The following IMPA1 variants were observed in gnomAD, a reference collection of about 807,000 sequenced individuals.
The protein encoded by IMPA1 is D-galactose 1-phosphate phosphatase.
IMPA1 carries 21 observed loss-of-function variants against 34.9 expected under a neutral mutation model. That is an observed-to-expected ratio of 0.60 (90% confidence interval 0.43 to 0.87). The LOEUF (loss-of-function observed/expected upper bound fraction) is 0.87, where lower values mean the gene tolerates loss of function less well. IMPA1 is among the 40% of genes least tolerant of loss of function. IMPA1 has a pLI of 0.00. For synonymous variants in IMPA1, 95 were observed against 104.4 expected (o/e 0.91, Z 0.55); for missense variants, 299 against 336.4 (o/e 0.89, Z 0.87).
intron 7 of IMPA1, among the ~76,000 whole-genome samples, chr8:81,668,731 T>C (rs1420086574): frequency 6.6e-6 from 1 of 151,930 alleles, no homozygotes; most frequent in Non-Finnish European, 1.5e-5. Flanking sequence ...ATTTGCTAAA[T>C]AGATTAGCAC....
chr8:81,669,996 C>T (rs1806942353), intron 7 of IMPA1, among the ~76,000 whole-genome samples: 1 of 152,194 alleles, frequency 6.6e-6, no homozygotes, highest in South Asian at 2.1e-4. Flanking sequence ...TTCTGTGCTG[C>T]CTCAGGACTC....
intron 8 of IMPA1, among the ~76,000 whole-genome samples, chr8:81,659,863 C>T (rs750084652): frequency 5.9e-5 from 9 of 152,136 alleles, no homozygotes; most frequent in East Asian, 1.9e-4. Flanking sequence ...ATTCACCCTT[C>T]GGTTTAAAAT....
rs771080435 is a variant in IMPA1 at position 81,680,619 on chromosome 8, A to ATTT, written c.197+30_197+31insAAA. ...AACCCCAAGAAATGGTGAGATAATA[A>ATTT]ACATTTCTTGTACACAGTAAATAAA... is the stretch of plus-strand genomic sequence containing the variant. On this transcript the variant is annotated intron_variant, in intron 3 of 8. Coordinates refer to ENST00000256108, the MANE Select transcript of IMPA1 (RefSeq NM_005536.4). 3.2e-3 allele frequency: 4,876 copies of ATTT among 1,531,198 alleles called. 19 individuals carry two copies. The highest frequency in any genetic ancestry group is 3.5e-3 in the Non-Finnish European group (3,937 of 1,111,692). The allele number at this position is 1,531,198 out of a possible 1,614,324, so 94.9% of individuals were successfully genotyped here.
At chr8:81,669,242 T>C (rs1806921103) in intron 7 of IMPA1, among the ~76,000 whole-genome samples, 1 of 151,934 alleles carries the variant, frequency 6.6e-6, no homozygotes, top group Non-Finnish European at 1.5e-5. Context: ...AATGCCTAAC[T>C]AGTGGAGCCA....
rs994195277 is a variant in IMPA1, at chr8:81,686,021, G to A, written c.-25+231C>T. 1.9e-5 allele frequency: 25 copies of A among 1,321,838 alleles called. No homozygotes were observed. In the East Asian group the frequency reaches 3.9e-4, roughly 20 times the overall value. 81.9% of individuals were successfully genotyped at this position (1,321,838 alleles called of 1,614,324 possible). On this transcript the variant is annotated intron_variant, in intron 1 of 8. Coordinates refer to ENST00000256108, the MANE Select transcript of IMPA1 (RefSeq NM_005536.4). ...TTATTCCACAGAAGCCGCCACAGAGGTTAAGTGAGGTCGCGTGAGCGAACC... is the reference window on the plus strand; with the variant it reads ...TTATTCCACAGAAGCCGCCACAGAGATTAAGTGAGGTCGCGTGAGCGAACC...
intron 1 of IMPA1, among the ~76,000 whole-genome samples, chr8:81,684,324 ATATT>A (rs1585906362): frequency 6.8e-6 from 1 of 146,170 alleles, no homozygotes; most frequent in African/African-American, 2.5e-5. Flanking sequence ...ATACATAAGT[ATATT>A]TAGATACTAT....
intron 7 of IMPA1, among the ~76,000 whole-genome samples, chr8:81,668,325 C>T (rs541879776): frequency 4.3e-4 from 65 of 152,268 alleles, no homozygotes; most frequent in African/African-American, 1.5e-3. Flanking sequence ...TGGCTCACAC[C>T]TATAATGCCA....
chr8:81,659,574 G>C, intron 8 of IMPA1, 108 bp from the exon 9 acceptor site: 1 of 650,652 alleles, frequency 1.5e-6, no homozygotes, highest in Non-Finnish European at 2.7e-6. Flanking sequence ...AATACTTTCA[G>C]TTTTCTTAAA....
chr8:81,685,862 C>T, intron 1 of IMPA1: 1 of 1,549,618 alleles, frequency 6.5e-7, no homozygotes, highest in Non-Finnish European at 8.7e-7. Context: ...TCCTTTTTGC[C>T]ACCTGTCCCA....
At position 81,676,389 on chromosome 8, in the gene IMPA1, CTCA is replaced by C. The variant is rs533485046; in HGVS notation, c.303-113_303-111del. The stretch of plus-strand genomic sequence containing the variant: ...TCTTAAAATTTTTCCTATAAAAAGT[CTCA>C]TCTCCACTCCCCACAAAATCTAAGA... On this transcript the variant is annotated intron_variant, in intron 4 of 8. Transcript: ENST00000256108. 2.1e-3 allele frequency: 1,043 copies of C among 491,324 alleles called. 5 individuals are homozygous for C. Among genetic ancestry groups the C allele is most frequent in the Non-Finnish European group, 1.1e-3 (300 of 275,654 alleles). The allele number at this position is 491,324 out of a possible 1,614,324, so 30.4% of individuals were successfully genotyped here. A position where few individuals can be genotyped will look rare whatever the true frequency, so the allele number is the denominator to read the frequency against.
intron 7 of IMPA1, among the ~76,000 whole-genome samples, chr8:81,663,058 A>T (rs1385340412): frequency 6.6e-6 from 1 of 152,244 alleles, no homozygotes; most frequent in African/African-American, 2.4e-5. Flanking sequence ...AATGCAAAAG[A>T]TCATAAAAGC....
At chr8:81,677,780 T>C (rs1031445047) in intron 4 of IMPA1, among the ~76,000 whole-genome samples, 8 of 152,250 alleles carry the variant, frequency 5.3e-5, no homozygotes, top group Non-Finnish European at 8.8e-5. Context: ...TATAACATTC[T>C]ATCACATATA....
chr8:81,664,470 G>C (rs1806766001), intron 7 of IMPA1, among the ~76,000 whole-genome samples: 1 of 152,230 alleles, frequency 6.6e-6, no homozygotes, highest in Non-Finnish European at 1.5e-5. Flanking sequence ...AGGAGGAGCA[G>C]AGGACCCACA....
intron 7 of IMPA1, among the ~76,000 whole-genome samples, chr8:81,668,488 G>A (rs184979106): frequency 2.0e-5 from 3 of 152,232 alleles, no homozygotes; most frequent in Non-Finnish European, 2.9e-5. Flanking sequence ...AGCTACTTGG[G>A]AGGCTGAAGT....
chr8:81,676,186 A>C, intron 5 of IMPA1, 48 bp downstream of exon 5: 1 of 828,130 alleles, frequency 1.2e-6, no homozygotes, highest in South Asian at 2.3e-5. Context: ...TTTTTCTCAG[A>C]AAATGAGAGC....
intron 7 of IMPA1, among the ~76,000 whole-genome samples, chr8:81,668,003 T>C (rs1806882904): frequency 6.6e-6 from 1 of 151,982 alleles, no homozygotes; most frequent in South Asian, 2.1e-4. Flanking sequence ...TTTTGTATTT[T>C]TAGTAGAGAC....
At chr8:81,670,865 A>G in intron 7 of IMPA1, 74 bp downstream of exon 7, 1 of 683,506 alleles carries the variant, frequency 1.5e-6, no homozygotes, top group East Asian at 3.1e-5. Flanking sequence ...CTAAAATGGT[A>G]CAGGAAAAAA....
Position 81,675,906 on chromosome 8 carries a change from C to T in IMPA1, c.348+328G>A, listed in dbSNP as rs204782. ...ACTAAAGCATTCCCAGCTCAAATCT[C>T]ACCTCTTCCACGAAGCATTTAAGAT... is the stretch of plus-strand genomic sequence containing the variant. On this transcript the variant is annotated intron_variant, in intron 5 of 8. Transcript: ENST00000256108. Among the ~76,000 whole-genome samples, 1,478 of 152,312 alleles carry T rather than the reference C, an allele frequency of 9.7e-3. 14 individuals are homozygous for T. Among genetic ancestry groups the T allele is most frequent in the Non-Finnish European group, 0.016 (1,081 of 68,022 alleles).
intron 1 of IMPA1, among the ~76,000 whole-genome samples, chr8:81,683,440 C>A (rs1460943787): frequency 5.3e-5 from 8 of 152,036 alleles, no homozygotes; most frequent in Non-Finnish European, 1.5e-5. Flanking sequence ...GTCAGAGATA[C>A]CTGTTTTGAG....
Sources: allele counts gnomAD v4.1 joint callset (sites outside exome capture counted in the v4.1 genomes callset), GRCh38; gene constraint gnomAD v4.1.1; transcripts MANE v1.5; gene names NCBI Gene and HGNC (gene_info 2026-07-23, HGNC 2026-07-21).